Variants in PRLR observed in about 807,000 individuals in gnomAD.
The protein encoded by PRLR is prolactin receptor.
In PRLR, 13 loss-of-function variants were observed where a neutral mutation model predicts 40.2. The ratio of observed to expected loss-of-function variants is 0.32; its 90% CI spans 0.21 to 0.51. PRLR has a LOEUF of 0.51. Among genes scored for constraint, PRLR ranks in the 20% least tolerant of loss-of-function variants. The pLI is 0.97. For missense variants in PRLR, 656 were observed against 747.3 expected (o/e 0.88, Z 1.42); for synonymous variants, 269 against 278.7 (o/e 0.97, Z 0.35).
intron 2 of PRLR, among the ~76,000 whole-genome samples, chr5:35,114,426 C>T (rs140261608): frequency 1.3e-5 from 2 of 152,296 alleles, no homozygotes; most frequent in African/African-American, 4.8e-5. Context: ...GCTATTGAAG[C>T]GTGAACCACT....
intron 1 of PRLR, among the ~76,000 whole-genome samples, chr5:35,219,838 C>T (rs879747811): frequency 3.3e-5 from 5 of 152,198 alleles, no homozygotes; most frequent in Non-Finnish European, 7.3e-5. Flanking sequence ...TTAAATAGCA[C>T]TAGATATTAT....
chr5:35,103,036 GAATA>G (rs894249402), intron 2 of PRLR, among the ~76,000 whole-genome samples: 19 of 152,252 alleles, frequency 1.2e-4, no homozygotes, highest in Non-Finnish European at 2.2e-4. Flanking sequence ...TTTCAAATAA[GAATA>G]ACTAGGTTCT....
chr5:35,123,780 G>A (rs1773367734), intron 1 of PRLR, among the ~76,000 whole-genome samples: 2 of 152,132 alleles, frequency 1.3e-5, no homozygotes, highest in East Asian at 1.9e-4. Flanking sequence ...GTACATTGAC[G>A]CTTATAATAA....
chr5:35,062,579 T>G lies in PRLR; in HGVS notation c.*2510A>C, dbSNP rs1769108138. On this transcript the variant is annotated 3_prime_UTR_variant, in exon 10 of 10. Coordinates refer to ENST00000618457, the MANE Select transcript of PRLR (RefSeq NM_000949.7). ...AGTCCTTAGCTGTCACATTTTTTCA[T>G]ACGTATTATACAAAATTATATGTCA... is the stretch of plus-strand genomic sequence containing the variant. 6.6e-6 allele frequency: 1 copy of G among 152,238 alleles called. No individual in the cohort carries two copies. The highest frequency in any genetic ancestry group is 6.5e-5 in the Admixed American group (1 of 15,284). 9.4% of individuals were successfully genotyped at this position (152,238 alleles called of 1,614,324 possible). A position where few individuals can be genotyped will look rare whatever the true frequency, so the allele number is the denominator to read the frequency against.
rs3834252 is a variant in PRLR, at chr5:35,084,909, ACC to A, written c.204-272_204-271del. 6.2e-3 allele frequency among the ~76,000 whole-genome samples: 949 copies of A among 151,922 alleles called. 32 individuals carry two copies. The East Asian group carries it at 0.099, about 16-fold the overall frequency. On this transcript the variant is annotated intron_variant, in intron 4 of 9. Coordinates refer to ENST00000618457, the MANE Select transcript of PRLR (RefSeq NM_000949.7). ...TATAAGTGTTCTTGTGGGCTCGGGG[ACC>A]TATATTCCCTGCTGATAAACACTCG... is the stretch of plus-strand genomic sequence containing the variant.
At chr5:35,073,434 C>A (rs1049845088) in intron 5 of PRLR, among the ~76,000 whole-genome samples, 3 of 152,158 alleles carry the variant, frequency 2.0e-5, no homozygotes, top group Non-Finnish European at 4.4e-5. Flanking sequence ...TAATGTTTCT[C>A]GAGTATTTAC....
At chr5:35,187,263 T>C (rs6891292) in intron 1 of PRLR, among the ~76,000 whole-genome samples, 96,963 of 151,412 alleles carry the variant, frequency 0.64, 31,421 homozygotes, top group Non-Finnish European at 0.68. Context: ...TAACCAGGCT[T>C]CATGGTGCAT....
In PRLR at chr5:35,068,886, A is replaced by G. The variant is rs1031727110; in HGVS notation, c.686-8T>C. On this transcript the variant is annotated splice_region_variant and splice_polypyrimidine_tract_variant and intron_variant, in intron 7 of 9. Coordinates refer to ENST00000618457, the MANE Select transcript of PRLR (RefSeq NM_000949.7). The stretch of plus-strand genomic sequence containing the variant: ...TATCATTCATGGTGAAGTCTAAAAA[A>G]CAAACAGCCAGAAAGCTTTGATCAC... The G allele has an allele frequency of 1.9e-6, 3 of 1,592,850 alleles. No homozygotes were observed. Among genetic ancestry groups the G allele is most frequent in the African/African-American group, 1.3e-5 (1 of 74,526 alleles).
In PRLR at chr5:35,089,521, T is replaced by C. The variant is rs374848367; in HGVS notation, c.70+30A>G. On this transcript the variant is annotated intron_variant, in intron 3 of 9. Transcript: ENST00000618457. ...CCCTGTTGACAAACACCCCAGGCAA[T>C]GAAAGAGAGCGTGATAGCCTCTTAC... The C allele has an allele frequency of 6.6e-6, 10 of 1,507,202 alleles. No homozygotes were observed. The Admixed American group carries it at 1.2e-4, about 18-fold the overall frequency. 93.4% of individuals were successfully genotyped at this position (1,507,202 alleles called of 1,614,324 possible).
chr5:35,225,202 C>T (rs1233452628), intron 1 of PRLR, among the ~76,000 whole-genome samples: 2 of 152,056 alleles, frequency 1.3e-5, no homozygotes, highest in African/African-American at 2.4e-5. Context: ...CATTGTAGGA[C>T]GTTTGAAAGC....
rs1769072858 is a variant in PRLR at position 35,062,134 on chromosome 5, C to T, written c.*2955G>A. ...GGTTTAAAAAGCAAAGTATAAAGAG[C>T]ACATCACTGAAGATTACTTTGTATT... On this transcript the variant is annotated 3_prime_UTR_variant, in exon 10 of 10. Coordinates refer to ENST00000618457, the MANE Select transcript of PRLR (RefSeq NM_000949.7). 6.6e-6 allele frequency: 1 copy of T among 152,096 alleles called. No individual in the cohort carries two copies. The highest frequency in any genetic ancestry group is 2.1e-4 in the South Asian group (1 of 4,828). 9.4% of individuals were successfully genotyped at this position (152,096 alleles called of 1,614,324 possible).
intron 1 of PRLR, among the ~76,000 whole-genome samples, chr5:35,146,719 A>G (rs1290875752): frequency 3.9e-5 from 6 of 152,204 alleles, no homozygotes; most frequent in Admixed American, 3.3e-4. Flanking sequence ...ATGAAAGACA[A>G]CCTCAGTACT....
At chr5:35,215,253 G>T (rs1272624635) in intron 1 of PRLR, among the ~76,000 whole-genome samples, 2 of 152,200 alleles carry the variant, frequency 1.3e-5, no homozygotes, top group Non-Finnish European at 2.9e-5. Flanking sequence ...CATGTTGCTG[G>T]TTTGTTGGTG....
At chr5:35,088,829 A>T (rs1424835281) in intron 3 of PRLR, among the ~76,000 whole-genome samples, 2 of 152,242 alleles carry the variant, frequency 1.3e-5, no homozygotes, top group African/African-American at 4.8e-5. Flanking sequence ...GTATGCACAC[A>T]GGTACCTGCA....
intron 2 of PRLR, among the ~76,000 whole-genome samples, chr5:35,113,066 C>A (rs930105573): frequency 6.6e-6 from 1 of 152,074 alleles, no homozygotes; most frequent in African/African-American, 2.4e-5. Context: ...ATCCATCCAC[C>A]CACCCATCCA....
At chr5:35,180,932 A>AC (rs1229730924) in intron 1 of PRLR, among the ~76,000 whole-genome samples, 1 of 152,164 alleles carries the variant, frequency 6.6e-6, no homozygotes, top group Non-Finnish European at 1.5e-5. Flanking sequence ...TCTTTATAGC[A>AC]CTGTGAGGAT....
chr5:35,108,468 GA>G (rs1429065849), intron 2 of PRLR, among the ~76,000 whole-genome samples: 17 of 152,166 alleles, frequency 1.1e-4, no homozygotes, highest in Non-Finnish European at 2.5e-4. Context: ...TGCACCTTTA[GA>G]AAACCCCATC....
intron 6 of PRLR, among the ~76,000 whole-genome samples, chr5:35,070,855 A>AG (rs1464873362): frequency 6.6e-6 from 1 of 151,626 alleles, no homozygotes; most frequent in East Asian, 1.9e-4. Context: ...AAAAAAAAAA[A>AG]AAAAAAAAGA....
At chr5:35,109,837 T>C (rs895155811) in intron 2 of PRLR, among the ~76,000 whole-genome samples, 2 of 152,196 alleles carry the variant, frequency 1.3e-5, no homozygotes. Flanking sequence ...GAACTGGAAA[T>C]ACCGTTTGAC....
Sources: gnomAD v4.1 joint callset for allele counts (sites outside exome capture counted in the v4.1 genomes callset) on GRCh38, gnomAD v4.1.1 for gene constraint, MANE v1.5 for transcripts, NCBI Gene and HGNC (gene_info 2026-07-23, HGNC 2026-07-21) for gene names.